NOC3L: variants seen among roughly 807,000 people sequenced by gnomAD.
NOC3L encodes the protein NOC3 like DNA replication regulator.
Under a neutral mutation model 102.5 loss-of-function variants are expected in NOC3L, and 85 were observed. That is an observed-to-expected ratio of 0.83 (90% CI 0.70 to 0.99). NOC3L has a LOEUF of 0.99. Among genes scored for constraint, NOC3L ranks in the 50% least tolerant of loss-of-function variants. NOC3L has a pLI of 0.00. For missense variants in NOC3L, 878 were observed against 914.9 expected, an observed-to-expected ratio of 0.96 and a Z score of 0.52; for synonymous variants, 303 against 309.4, an observed-to-expected ratio of 0.98 and a Z score of 0.22.
chr10:94,336,162 G>C (rs1007009605), intron 19 of NOC3L, among the ~76,000 whole-genome samples: 4 of 152,124 alleles, frequency 2.6e-5, no homozygotes, highest in African/African-American at 9.7e-5. Flanking sequence ...GAGGCTTCAT[G>C]AAGTGAAGCT....
chr10:94,354,770 G>A (rs1235096564), intron 6 of NOC3L, among the ~76,000 whole-genome samples, 193 bp downstream of exon 6: 1 of 152,098 alleles, frequency 6.6e-6, no homozygotes, highest in Non-Finnish European at 1.5e-5. Flanking sequence ...ACTTTTCTAG[G>A]ATTACAAAAG....
the NOC3L span, among the ~76,000 whole-genome samples, chr10:94,317,592 T>A: frequency 6.6e-6 from 1 of 152,268 alleles, no homozygotes; most frequent in Admixed American, 6.5e-5. Flanking sequence ...AAGAATAATA[T>A]CTTGGCCTGA....
At chr10:94,323,939 C>T in the NOC3L span, among the ~76,000 whole-genome samples, 1 of 152,170 alleles carries the variant, frequency 6.6e-6, no homozygotes, top group Non-Finnish European at 1.5e-5. Context: ...AGAGATAGCC[C>T]AGTGGGACAG....
At chr10:94,337,748 T>C in intron 19 of NOC3L, 29 bp downstream of exon 19, 5 of 1,472,122 alleles carry the variant, frequency 3.4e-6, no homozygotes, top group Non-Finnish European at 4.7e-6. Context: ...AATTCTGTAG[T>C]TTTAGAATAA....
the NOC3L span, among the ~76,000 whole-genome samples, chr10:94,323,460 T>C: frequency 6.6e-6 from 1 of 152,204 alleles, no homozygotes. Flanking sequence ...AAAGCCCTTA[T>C]TTATTTCTTT....
At chr10:94,337,538 G>A (rs540557205) in intron 19 of NOC3L, among the ~76,000 whole-genome samples, 6 of 143,686 alleles carry the variant, frequency 4.2e-5, no homozygotes, top group Admixed American at 2.8e-4. Context: ...AACTTTTCAC[G>A]ATTAAAAAAA....
At chr10:94,315,289 C>T in the NOC3L span, 16 of 398,282 alleles carry the variant, frequency 4.0e-5, no homozygotes, top group East Asian at 9.4e-4. Context: ...GAGATGTGTT[C>T]GCTCTGGGCT....
chr10:94,315,540 G>A, the NOC3L span: 10 of 454,710 alleles, frequency 2.2e-5, no homozygotes, highest in African/African-American at 6.0e-5. Flanking sequence ...AGGCCGAGGC[G>A]GGCAGATCAC....
chr10:94,324,759 A>T, the NOC3L span: 1 of 1,012,304 alleles, frequency 9.9e-7, no homozygotes, highest in Non-Finnish European at 1.5e-6. Context: ...AAGCAGTCCT[A>T]GAGGGGAGCT....
chr10:94,361,035 A>T (rs1467479237), intron 2 of NOC3L, among the ~76,000 whole-genome samples: 5 of 152,142 alleles, frequency 3.3e-5, no homozygotes, highest in African/African-American at 1.2e-4. Context: ...AATAATTTTT[A>T]AAAAATGGAC....
At chr10:94,317,327 C>A in the NOC3L span, among the ~76,000 whole-genome samples, 1 of 152,066 alleles carries the variant, frequency 6.6e-6, no homozygotes, top group African/African-American at 2.4e-5. Context: ...TAAAAACATA[C>A]CTTATAAGAT....
rs775208267 is a variant in NOC3L, at chr10:94,334,640, T to C, written c.2268A>G (p.Lys756=). Residue 756 remains lysine, a synonymous_variant, in exon 20 of 21, where the codon AAA becomes AAG. Transcript: ENST00000371361. ...FNPPVESSNP[K]IKGKFLQGDS... is the part of the protein sequence containing the mutation. ...AATGAAAAATATCCCATACCTTTATTTTGGGGTTTGAAGATTCAACAGGAG... is the reference window on the plus strand; with the variant it reads ...AATGAAAAATATCCCATACCTTTATCTTGGGGTTTGAAGATTCAACAGGAG... The C allele has an allele frequency of 1.2e-6, 2 of 1,611,682 alleles. No homozygotes were observed. The highest frequency in any genetic ancestry group is 1.7e-6 in the Non-Finnish European group (2 of 1,178,598).
chr10:94,355,171 T>A, intron 5 of NOC3L, 78 bp from the exon 6 acceptor site: 1 of 1,227,890 alleles, frequency 8.1e-7, no homozygotes, highest in Non-Finnish European at 1.1e-6. Flanking sequence ...ATTTTTACAG[T>A]AATAATAATA....
Position 94,357,315 on chromosome 10 carries a change from T to C in NOC3L, c.367A>G (p.Lys123Glu), listed in dbSNP as rs2054499676. The C allele has an allele frequency of 6.3e-7, 1 of 1,598,518 alleles. No homozygotes were observed. The highest frequency in any genetic ancestry group is 8.5e-7 in the Non-Finnish European group (1 of 1,173,158). Residue 123 changes from lysine to glutamate, a missense_variant, in exon 4 of 21, where the codon AAG (lysine) becomes GAG (glutamate). Lys to Glu is a moderately conservative substitution (Grantham distance 56). Transcript: ENST00000371361. ...DLSSSEPVHA[K>E]KRKHERIIDK... ...ATAATGCGTTCATGCTTCCGTTTCTTCGCATGAACAGGCTCACTGCAGGGG... is the reference window on the plus strand; with the variant it reads ...ATAATGCGTTCATGCTTCCGTTTCTCCGCATGAACAGGCTCACTGCAGGGG...
intron 13 of NOC3L, 68 bp from the exon 14 acceptor site, chr10:94,341,813 G>A: frequency 1.1e-6 from 1 of 904,554 alleles, no homozygotes. Context: ...AATTAAGCTT[G>A]ACTTTAAAAC....
the NOC3L span, among the ~76,000 whole-genome samples, chr10:94,323,904 C>A: frequency 6.6e-6 from 1 of 152,204 alleles, no homozygotes; most frequent in Non-Finnish European, 1.5e-5. Flanking sequence ...TTCTAAAATT[C>A]TTTCAACATC....
Position 94,352,400 on chromosome 10 carries a change from G to T in NOC3L, c.862C>A (p.Arg288=). The change falls in exon 8 of 21, where the codon CGA becomes AGA. Residue 288 remains arginine, a synonymous_variant. Coordinates refer to ENST00000371361, the MANE Select transcript of NOC3L (RefSeq NM_022451.11). Reference sequence around the variant, plus strand: ...TCTCTTAACTTCTGGGTTTCTTTTCGGGTCTGAAAAGACCAAAAAGGTCAA... The same window carrying T: ...TCTCTTAACTTCTGGGTTTCTTTTCTGGTCTGAAAAGACCAAAAAGGTCAA... ...LTEAEKSTKT[R]KETQKLREFE... is the part of the protein sequence containing the mutation. 6.2e-7 allele frequency: 1 copy of T among 1,606,652 alleles called. No individual in the cohort carries two copies. The highest frequency in any genetic ancestry group is 1.1e-5 in the South Asian group (1 of 89,512).
At chr10:94,358,244 A>C (rs1313791320) in intron 2 of NOC3L, 29 bp from the exon 3 acceptor site, 5 of 1,136,512 alleles carry the variant, frequency 4.4e-6, no homozygotes, top group East Asian at 2.3e-5. Flanking sequence ...CACACAAAGA[A>C]AAATTAGAAA....
rs568695717 is a variant in NOC3L, at chr10:94,362,440, T to C, written c.9+390A>G. On this transcript the variant is annotated intron_variant, in intron 1 of 20. Transcript: ENST00000371361. The stretch of plus-strand genomic sequence containing the variant: ...AGTCCTGAACCCCAGGACTACCTCT[T>C]ATTTTCTGGGAGAACCAGGACAAAT... 6.6e-5 allele frequency among the ~76,000 whole-genome samples: 10 copies of C among 152,314 alleles called. No homozygotes were observed. The South Asian group carries it at 1.9e-3, about 28-fold the overall frequency.
Sources: gnomAD v4.1 joint callset for allele counts (sites outside exome capture counted in the v4.1 genomes callset) on GRCh38, gnomAD v4.1.1 for gene constraint, MANE v1.5 for transcripts, NCBI Gene and HGNC (gene_info 2026-07-23, HGNC 2026-07-21) for gene names.